Variants in ENKUR observed in about 807,000 individuals in gnomAD.
ENKUR encodes the protein enkurin, TRPC channel interacting protein.
Under a neutral mutation model 27.6 loss-of-function variants are expected in ENKUR, and 19 were observed. The ratio of observed to expected loss-of-function variants is 0.69; its 90% CI spans 0.48 to 1.01. ENKUR has a LOEUF of 1.01. Ranked by LOEUF, ENKUR falls within the 50% of genes least tolerant of loss-of-function variation. ENKUR has a pLI of 0.00. For missense variants in ENKUR, 312 were observed against 310.5 expected (o/e 1.00, Z -0.04); for synonymous variants, 117 against 96.9 (o/e 1.21, Z -1.22).
At chr10:25,033,051 G>A (rs374062306) in intron 2 of ENKUR, among the ~76,000 whole-genome samples, 3 of 152,110 alleles carry the variant, frequency 2.0e-5, no homozygotes, top group East Asian at 3.8e-4. Flanking sequence ...TGATACTGAC[G>A]TCAACTACTA....
intron 2 of ENKUR, among the ~76,000 whole-genome samples, chr10:25,031,199 C>A (rs1451148394): frequency 6.6e-6 from 1 of 152,234 alleles, no homozygotes; most frequent in Non-Finnish European, 1.5e-5. Flanking sequence ...CTCACATCAA[C>A]AAATGAAATC....
upstream of ENKUR, among the ~76,000 whole-genome samples, chr10:25,017,202 T>G (rs1850617656): frequency 6.6e-6 from 1 of 152,222 alleles, no homozygotes; most frequent in Admixed American, 6.5e-5. Flanking sequence ...TACGTTTTTG[T>G]CCAGTTTTTG....
Position 25,044,619 on chromosome 10 carries a change from A to G in ENKUR, c.37+16493T>C, listed in dbSNP as rs183363619. Among the ~76,000 whole-genome samples the G allele has an allele frequency of 2.5e-3, 388 of 152,234 alleles. 3 individuals carry two copies. Among genetic ancestry groups the G allele is most frequent in the Middle Eastern group, 0.024 (7 of 294 alleles). ...GCTATGTTGCCCAGGCTGGTCTTGA[A>G]TTCCTGGCCTCAAGCAATCCTTCTG... On this transcript the variant is annotated intron_variant, in intron 2 of 5. Transcript: ENST00000615958.
intron 2 of ENKUR, chr10:25,023,640 T>A: frequency 1.2e-6 from 2 of 1,614,168 alleles, no homozygotes; most frequent in Non-Finnish European, 1.7e-6. Context: ...CAATGCATGA[T>A]GCTAGCATGT....
intron 3 of ENKUR, among the ~76,000 whole-genome samples, chr10:24,992,093 C>T (rs912940178): frequency 3.3e-5 from 5 of 152,144 alleles, no homozygotes; most frequent in Admixed American, 6.5e-5. Flanking sequence ...TTAGTAAATG[C>T]GTTTGATTTC....
intron 2 of ENKUR, among the ~76,000 whole-genome samples, chr10:25,022,952 T>C (rs1225310993): frequency 6.6e-6 from 1 of 152,224 alleles, no homozygotes; most frequent in Non-Finnish European, 1.5e-5. Flanking sequence ...TTTTGATTTT[T>C]CAGTGTCTTG....
At chr10:25,017,437 G>C (rs949279640), upstream of ENKUR, among the ~76,000 whole-genome samples, 1 of 152,108 alleles carries the variant, frequency 6.6e-6, no homozygotes, top group Non-Finnish European at 1.5e-5. Context: ...AAAGCTTCCC[G>C]GAGAGGAGAG....
chr10:25,000,846 T>A (rs1049418353), intron 1 of ENKUR, among the ~76,000 whole-genome samples: 4 of 152,114 alleles, frequency 2.6e-5, no homozygotes, highest in Admixed American at 2.0e-4. Context: ...GCTCATTCTA[T>A]CTTGCTTTTC....
chr10:24,997,512 A>G (rs1455346500), intron 2 of ENKUR, among the ~76,000 whole-genome samples: 2 of 151,162 alleles, frequency 1.3e-5, no homozygotes, highest in Non-Finnish European at 2.9e-5. Context: ...TGAGCCTCCC[A>G]TATAGCTGGG....
chr10:25,061,053 C>T (rs1851320543), intron 2 of ENKUR: 2 of 1,471,194 alleles, frequency 1.4e-6, no homozygotes, highest in Non-Finnish European at 1.8e-6. Flanking sequence ...TCTCTAAGGC[C>T]CCCTATTAGG....
At chr10:25,007,596 G>C (rs979100045) in intron 1 of ENKUR, among the ~76,000 whole-genome samples, 6 of 151,972 alleles carry the variant, frequency 3.9e-5, no homozygotes, top group Admixed American at 1.3e-4. Context: ...CACCACACCC[G>C]GGTAATTTTT....
intron 2 of ENKUR, among the ~76,000 whole-genome samples, chr10:25,032,831 C>T (rs1850952710): frequency 6.6e-6 from 1 of 152,112 alleles, no homozygotes; most frequent in African/African-American, 2.4e-5. Context: ...TTTAGTGGTG[C>T]CAAAACAGCA....
At chr10:24,988,430 TTTA>T (rs1184219758) in intron 4 of ENKUR, among the ~76,000 whole-genome samples, 1 of 145,362 alleles carries the variant, frequency 6.9e-6, no homozygotes, top group Non-Finnish European at 1.5e-5. Flanking sequence ...ATAAGTAAAA[TTTA>T]TTTTTTATAT....
At chr10:24,988,378 A>G (rs1250679851) in intron 4 of ENKUR, among the ~76,000 whole-genome samples, 4 of 144,702 alleles carry the variant, frequency 2.8e-5, no homozygotes, top group Non-Finnish European at 4.5e-5. Flanking sequence ...TTATATATGT[A>G]TATATGTGTA....
intron 4 of ENKUR, among the ~76,000 whole-genome samples, chr10:24,987,118 C>A (rs147547632): frequency 2.6e-5 from 4 of 152,290 alleles, no homozygotes; most frequent in African/African-American, 9.6e-5. Context: ...TGGGGCATTT[C>A]TCCTCCTCTC....
intron 2 of ENKUR, chr10:25,023,822 G>T: frequency 6.2e-7 from 1 of 1,614,204 alleles, no homozygotes; most frequent in South Asian, 1.1e-5. Flanking sequence ...TATGATGCTC[G>T]TGTTTTCTGT....
chr10:24,990,404 C>T, intron 4 of ENKUR, 59 bp downstream of exon 4: 1 of 1,551,660 alleles, frequency 6.4e-7, no homozygotes, highest in South Asian at 1.3e-5. Flanking sequence ...TGATGGTACA[C>T]CTTTCTTTCA....
chr10:25,049,124 C>G (rs1235707158), intron 2 of ENKUR, among the ~76,000 whole-genome samples: 2 of 152,172 alleles, frequency 1.3e-5, no homozygotes, highest in Non-Finnish European at 2.9e-5. Flanking sequence ...CATCTGTAAA[C>G]TGAAGATGAT....
At chr10:24,994,316 A>G (rs1460770511) in intron 3 of ENKUR, among the ~76,000 whole-genome samples, 1 of 124,184 alleles carries the variant, frequency 8.1e-6, no homozygotes, top group Non-Finnish European at 1.7e-5. Context: ...GCAACTTATT[A>G]TTCTTTAGAA....
Sources: gnomAD v4.1 joint callset for allele counts (sites outside exome capture counted in the v4.1 genomes callset) on GRCh38, gnomAD v4.1.1 for gene constraint, MANE v1.5 for transcripts, NCBI Gene and HGNC (gene_info 2026-07-23, HGNC 2026-07-21) for gene names.